SEMA6D: variants seen among roughly 807,000 people sequenced by gnomAD.
SEMA6D encodes the protein semaphorin 6D.
SEMA6D carries 35 observed loss-of-function variants against 106.6 expected under a neutral mutation model. The observed-to-expected ratio is 0.33, with a 90% CI of 0.25 to 0.44. The LOEUF is 0.44. Ranked by LOEUF, SEMA6D falls within the 20% of genes least tolerant of loss-of-function variation. The pLI is 1.00. For missense variants in SEMA6D, 1,185 were observed against 1,345.9 expected (o/e 0.88, Z 1.87); for synonymous variants, 499 against 487.7 (o/e 1.02, Z -0.31).
chr15:47,679,455 A>G (rs1221180038), intron 4 of SEMA6D, among the ~76,000 whole-genome samples: 1 of 152,152 alleles, frequency 6.6e-6, no homozygotes, highest in African/African-American at 2.4e-5. Context: ...TTATTCTTCC[A>G]AGTGGATCTC....
At chr15:47,517,073 G>A (rs1331532262) in intron 3 of SEMA6D, among the ~76,000 whole-genome samples, 1 of 152,066 alleles carries the variant, frequency 6.6e-6, no homozygotes, top group Non-Finnish European at 1.5e-5. Flanking sequence ...GCACTTCTAG[G>A]AAAAGTAATA....
intron 4 of SEMA6D, among the ~76,000 whole-genome samples, chr15:47,656,529 A>C (rs1401231428): frequency 2.6e-5 from 4 of 152,234 alleles, no homozygotes; most frequent in Non-Finnish European, 5.9e-5. Flanking sequence ...AGCAATGAAC[A>C]CACTTACTCT....
intron 3 of SEMA6D, among the ~76,000 whole-genome samples, chr15:47,552,698 G>C (rs541538315): frequency 7.1e-6 from 1 of 140,142 alleles, no homozygotes; most frequent in Admixed American, 7.6e-5. Context: ...TTTTGAGCAT[G>C]AGAATTATGA....
intron 2 of SEMA6D, among the ~76,000 whole-genome samples, chr15:47,427,388 G>A (rs1208129394): frequency 1.3e-5 from 2 of 152,176 alleles, no homozygotes; most frequent in African/African-American, 2.4e-5. Context: ...ACCATGCACA[G>A]CAGCAGGTTA....
Position 47,189,536 on chromosome 15 carries a change from C to T in SEMA6D, c.-239+5118C>T, listed in dbSNP as rs557714183. On this transcript the variant is annotated intron_variant, in intron 1 of 19. Transcript: ENST00000558014. Reference sequence around the variant, plus strand: ...CCCAAAAACCACAAAACTAAATTATCGCTAAATTATCGACCCAAGGAGGCA... The same window carrying T: ...CCCAAAAACCACAAAACTAAATTATTGCTAAATTATCGACCCAAGGAGGCA... Among the ~76,000 whole-genome samples the T allele has an allele frequency of 1.1e-4, 17 of 152,232 alleles. No homozygotes were observed. In the South Asian group the frequency reaches 1.2e-3, roughly 11 times the overall value.
At chr15:47,552,301 A>G (rs1485340894) in intron 3 of SEMA6D, among the ~76,000 whole-genome samples, 1 of 152,110 alleles carries the variant, frequency 6.6e-6, no homozygotes, top group Middle Eastern at 3.2e-3. Context: ...GTATATGTAC[A>G]TGGGCAGAGA....
chr15:47,439,713 C>T, intron 2 of SEMA6D, among the ~76,000 whole-genome samples: 1 of 152,122 alleles, frequency 6.6e-6, no homozygotes, highest in East Asian at 1.9e-4. Flanking sequence ...CTAATTTCCA[C>T]CCTGTGGGTT....
intron 1 of SEMA6D, among the ~76,000 whole-genome samples, chr15:47,289,219 C>A (rs1262535933): frequency 6.6e-6 from 1 of 151,696 alleles, no homozygotes; most frequent in Non-Finnish European, 1.5e-5. Flanking sequence ...CATGGTGAAA[C>A]CCTGTCTCTA....
In SEMA6D at chr15:47,252,183, C is replaced by G. The variant is rs1044892244; in HGVS notation, c.-239+67765C>G. Among the ~76,000 whole-genome samples, 9 of 145,620 alleles carry G rather than the reference C, an allele frequency of 6.2e-5. 1 individual carries two copies. Among genetic ancestry groups the G allele is most frequent in the African/African-American group, 2.3e-4 (9 of 38,430 alleles). ...CCGCCCGCCTCGGCCTCCCAAAGTGCTGGGATTACAGGCGTGCTAATTGGA... is the reference window on the plus strand; with the variant it reads ...CCGCCCGCCTCGGCCTCCCAAAGTGGTGGGATTACAGGCGTGCTAATTGGA... On this transcript the variant is annotated intron_variant, in intron 1 of 19. Transcript: ENST00000558014.
At chr15:47,251,892 C>T (rs62014025) in intron 1 of SEMA6D, among the ~76,000 whole-genome samples, 23,218 of 142,500 alleles carry the variant, frequency 0.16, 3,417 homozygotes, top group East Asian at 0.67. Context: ...TGTATTTTAT[C>T]CACTTTCTAA....
At chr15:47,269,905 T>TA (rs1201788594) in intron 1 of SEMA6D, among the ~76,000 whole-genome samples, 3 of 151,870 alleles carry the variant, frequency 2.0e-5, no homozygotes, top group Admixed American at 2.0e-4. Context: ...ATCTTTTTTT[T>TA]ATTTTTGCCA....
Position 47,765,024 on chromosome 15 carries a change from A to T in SEMA6D, c.1395A>T (p.Leu465Phe). ...CTTTCTCTTTGAACGACAGCGTATT[A>T]CTGGAAGAGATTGAAGCCTACAACC... ...TSPFSLNDSVLLEEIEAYNHA... is the reference protein window; with the variant it reads ...TSPFSLNDSVFLEEIEAYNHA... Residue 465 changes from leucine to phenylalanine, a missense_variant, in exon 13 of 19, where the codon TTA (leucine) becomes TTT (phenylalanine). By Grantham distance (22) the Leu-to-Phe change is conservative. Transcript: ENST00000536845. The T allele has an allele frequency of 6.2e-7, 1 of 1,613,872 alleles. No individual in the cohort carries two copies. The highest frequency in any genetic ancestry group is 8.5e-7 in the Non-Finnish European group (1 of 1,179,818).
At chr15:47,550,756 G>T (rs558469130) in intron 3 of SEMA6D, among the ~76,000 whole-genome samples, 1 of 152,206 alleles carries the variant, frequency 6.6e-6, no homozygotes, top group African/African-American at 2.4e-5. Context: ...TTTTTCAAGA[G>T]GTACATGCTG....
intron 3 of SEMA6D, among the ~76,000 whole-genome samples, chr15:47,487,895 T>A (rs1397708606): frequency 6.6e-6 from 1 of 152,200 alleles, no homozygotes; most frequent in Non-Finnish European, 1.5e-5. Flanking sequence ...TTCTTTTATA[T>A]ATGCAGCTCT....
intron 3 of SEMA6D, among the ~76,000 whole-genome samples, chr15:47,596,442 A>G (rs1481385461): frequency 6.6e-6 from 1 of 152,140 alleles, no homozygotes; most frequent in Non-Finnish European, 1.5e-5. Context: ...CTTAAAATTT[A>G]TATAGTATTG....
chr15:47,571,049 C>T (rs1020703612), intron 3 of SEMA6D, among the ~76,000 whole-genome samples: 8 of 152,108 alleles, frequency 5.3e-5, no homozygotes, highest in Admixed American at 1.3e-4. Flanking sequence ...TGCTAGGAAA[C>T]AGCAAACTTG....
chr15:47,205,066 C>G (rs1235686380), intron 1 of SEMA6D, among the ~76,000 whole-genome samples: 1 of 152,032 alleles, frequency 6.6e-6, no homozygotes, highest in East Asian at 1.9e-4. Flanking sequence ...TAATATTTAC[C>G]TGATTATAGT....
intron 1 of SEMA6D, among the ~76,000 whole-genome samples, chr15:47,346,188 G>C (rs2038038186): frequency 6.6e-6 from 1 of 152,084 alleles, no homozygotes; most frequent in South Asian, 2.1e-4. Flanking sequence ...AGTTTGGATT[G>C]ACAAACTCAT....
intron 4 of SEMA6D, among the ~76,000 whole-genome samples, chr15:47,691,428 G>T (rs1156839959): frequency 6.6e-6 from 1 of 152,148 alleles, no homozygotes; most frequent in African/African-American, 2.4e-5. Context: ...GAGGAGTACA[G>T]AGACTCAAGG....
Sources: allele counts gnomAD v4.1 joint callset (sites outside exome capture counted in the v4.1 genomes callset), GRCh38; gene constraint gnomAD v4.1.1; transcripts MANE v1.5; gene names NCBI Gene and HGNC (gene_info 2026-07-23, HGNC 2026-07-21).